GRIP1: variants seen among roughly 807,000 people sequenced by gnomAD.
The protein encoded by GRIP1 is glutamate receptor-interacting protein 1.
In GRIP1, 45 loss-of-function variants were observed where a neutral mutation model predicts 129.9. That is an observed-to-expected ratio of 0.35 (90% CI 0.27 to 0.44). The LOEUF is 0.44. Among genes scored for constraint, GRIP1 ranks in the 20% least tolerant of loss-of-function variants. GRIP1 has a pLI of 1.00. For synonymous variants in GRIP1, 530 were observed against 520.8 expected (o/e 1.02, Z -0.24); for missense variants, 1,196 against 1,396.8 (o/e 0.86, Z 2.29).
chr12:66,980,066 C>T (rs987341444), intron 1 of GRIP1, among the ~76,000 whole-genome samples: 1 of 152,164 alleles, frequency 6.6e-6, no homozygotes, highest in Non-Finnish European at 1.5e-5. Context: ...TGCAGCACCC[C>T]TCTTTCATAA....
chr12:66,956,153 C>G (rs2041837591), intron 1 of GRIP1, among the ~76,000 whole-genome samples: 1 of 152,172 alleles, frequency 6.6e-6, no homozygotes, highest in Admixed American at 6.5e-5. Context: ...AATTTTCCCA[C>G]TAATGTCCTT....
intron 18 of GRIP1, 66 bp from the exon 19 acceptor site, chr12:66,392,568 C>T (rs937950591): frequency 8.3e-6 from 13 of 1,567,216 alleles, no homozygotes; most frequent in South Asian, 3.3e-5. Context: ...CAAGATACTC[C>T]GTGGCTAGAG....
chr12:67,049,261 C>T (rs1317381714), intron 1 of GRIP1, among the ~76,000 whole-genome samples: 4 of 152,120 alleles, frequency 2.6e-5, no homozygotes, highest in South Asian at 2.1e-4. Flanking sequence ...TAAGAGAATA[C>T]CATAGGAGGT....
At chr12:66,494,969 T>A (rs918205307) in intron 7 of GRIP1, among the ~76,000 whole-genome samples, 1 of 152,142 alleles carries the variant, frequency 6.6e-6, no homozygotes, top group Non-Finnish European at 1.5e-5. Context: ...AATTATAATG[T>A]ATGTGTCCTA....
chr12:66,859,286 AAAAAACAAAAAAACAAAAAAAAAC>A (rs2040067348), intron 1 of GRIP1, among the ~76,000 whole-genome samples: 3 of 16,014 alleles, frequency 1.9e-4, no homozygotes, highest in Admixed American at 1.9e-3. Flanking sequence ...CAAAAAAACA[AAAAAACAAAAAAACAAAAAAAAAC>A]CAGTATTAGC....
intron 1 of GRIP1, among the ~76,000 whole-genome samples, chr12:66,957,143 G>C (rs1030017921): frequency 6.6e-6 from 1 of 152,042 alleles, no homozygotes; most frequent in Non-Finnish European, 1.5e-5. Flanking sequence ...TCACTAGGAA[G>C]GTTCCCAATC....
intron 1 of GRIP1, among the ~76,000 whole-genome samples, chr12:66,735,508 C>T (rs1449621791): frequency 6.6e-6 from 1 of 152,098 alleles, no homozygotes; most frequent in Non-Finnish European, 1.5e-5. Context: ...ACATAAATTT[C>T]TGACTCACTT....
At chr12:66,905,568 G>C (rs1179216582) in intron 1 of GRIP1, among the ~76,000 whole-genome samples, 1 of 152,176 alleles carries the variant, frequency 6.6e-6, no homozygotes, top group Admixed American at 6.5e-5. Flanking sequence ...TTTTCAATAG[G>C]AAATAATTGC....
chr12:66,821,707 A>G (rs962606304), intron 1 of GRIP1, among the ~76,000 whole-genome samples: 2 of 152,214 alleles, frequency 1.3e-5, no homozygotes, highest in African/African-American at 4.8e-5. Context: ...CAAACCATTG[A>G]GATCACCAGC....
chr12:67,022,489 T>C (rs546364165), intron 1 of GRIP1, among the ~76,000 whole-genome samples: 26 of 152,174 alleles, frequency 1.7e-4, no homozygotes, highest in Non-Finnish European at 3.2e-4. Context: ...AGGTAAAATT[T>C]TAACTATTCC....
intron 14 of GRIP1, among the ~76,000 whole-genome samples, chr12:66,427,603 G>T (rs1157973247): frequency 6.6e-6 from 1 of 152,102 alleles, no homozygotes; most frequent in Non-Finnish European, 1.5e-5. Context: ...ATTAACATAT[G>T]TTCTTATGTT....
At chr12:66,767,057 T>C (rs2037662231) in intron 1 of GRIP1, among the ~76,000 whole-genome samples, 1 of 152,220 alleles carries the variant, frequency 6.6e-6, no homozygotes, top group Admixed American at 6.5e-5. Flanking sequence ...AATGCATTTA[T>C]ATAAAATCTG....
intron 2 of GRIP1, among the ~76,000 whole-genome samples, chr12:66,596,300 C>G (rs2064047597): frequency 6.6e-6 from 1 of 152,080 alleles, no homozygotes; most frequent in South Asian, 2.1e-4. Context: ...GATATTTCTT[C>G]AAAATGTTTT....
intron 1 of GRIP1, among the ~76,000 whole-genome samples, chr12:66,785,172 T>C (rs2038281841): frequency 6.6e-6 from 1 of 151,046 alleles, no homozygotes; most frequent in African/African-American, 2.4e-5. Context: ...AGAAAAAAGG[T>C]TGAGGGCCAG....
intron 15 of GRIP1, among the ~76,000 whole-genome samples, chr12:66,419,233 T>C (rs1241543915): frequency 6.6e-6 from 1 of 152,032 alleles, no homozygotes; most frequent in African/African-American, 2.4e-5. Context: ...ATTTGTGGTA[T>C]TTAAAAATCA....
chr12:66,701,117 C>T (rs1463135333), intron 1 of GRIP1, among the ~76,000 whole-genome samples: 1 of 152,110 alleles, frequency 6.6e-6, no homozygotes, highest in African/African-American at 2.4e-5. Context: ...AAAACCCGTG[C>T]AACTAATAAA....
intron 1 of GRIP1, among the ~76,000 whole-genome samples, chr12:66,827,820 A>T (rs1010823038): frequency 3.3e-5 from 5 of 152,234 alleles, no homozygotes; most frequent in Admixed American, 1.3e-4. Context: ...AATTAGATAG[A>T]CATGTGTCTA....
At chr12:66,660,822 A>G (rs2033452472) in intron 1 of GRIP1, among the ~76,000 whole-genome samples, 2 of 152,254 alleles carry the variant, frequency 1.3e-5, no homozygotes, top group African/African-American at 2.4e-5. Context: ...GATATGGGCT[A>G]TGCCCATTAG....
chr12:66,815,878 C>CTCTCTT (rs1273726920), intron 1 of GRIP1, among the ~76,000 whole-genome samples: 16 of 140,408 alleles, frequency 1.1e-4, no homozygotes, highest in African/African-American at 3.7e-4. Flanking sequence ...CTCTCTCTCT[C>CTCTCTT]TCTTTCTTTC....
Sources: allele counts gnomAD v4.1 joint callset (sites outside exome capture counted in the v4.1 genomes callset), GRCh38; gene constraint gnomAD v4.1.1; transcripts MANE v1.5; gene names NCBI Gene and HGNC (gene_info 2026-07-23, HGNC 2026-07-21).